Variants in ACAN observed in about 807,000 individuals in gnomAD.
The protein encoded by ACAN is aggrecan core protein.
Under a neutral mutation model 169.1 loss-of-function variants are expected in ACAN, and 47 were observed. That is an observed-to-expected ratio of 0.28 (90% confidence interval 0.22 to 0.35). The LOEUF (loss-of-function observed/expected upper bound fraction) is 0.35. Among genes scored for constraint, ACAN ranks in the 10% least tolerant of loss-of-function variants. The pLI is 1.00. For synonymous variants in ACAN, 1,115 were observed against 1,112.2 expected (o/e 1.00, Z -0.05); for missense variants, 2,716 against 2,759.9 (o/e 0.98, Z 0.36).
intron 1 of ACAN, among the ~76,000 whole-genome samples, chr15:88,817,949 T>A (rs1895983924): frequency 6.6e-6 from 1 of 152,134 alleles, no homozygotes; most frequent in Non-Finnish European, 1.5e-5. Context: ...AGAGTTAAAT[T>A]TCTGTCTGTC....
intron 1 of ACAN, among the ~76,000 whole-genome samples, chr15:88,812,397 G>A (rs1207851908): frequency 1.3e-5 from 2 of 152,154 alleles, no homozygotes; most frequent in South Asian, 2.1e-4. Context: ...TCAGCCCCCT[G>A]GGGATTGCAG....
In ACAN at chr15:88,847,920, T is replaced by C; in HGVS notation, c.1614T>C (p.Ile538=). 6.2e-7 allele frequency: 1 copy of C among 1,613,652 alleles called. No individual in the cohort carries two copies. ...CCACTCTCCTTTGCAGATACCCCAT[T>C]GTGAGCCCCCGGACCCCATGCGTGG... ...WLRDQTVRYP[I]VSPRTPCVGD... is the part of the protein sequence containing the mutation. The change falls in exon 9 of 19, where the codon ATT becomes ATC. Residue 538 remains isoleucine, a synonymous_variant. Transcript: ENST00000560601.
chr15:88,831,232 G>A (rs1001632095), intron 1 of ACAN, among the ~76,000 whole-genome samples: 1 of 152,220 alleles, frequency 6.6e-6, no homozygotes, highest in African/African-American at 2.4e-5. Context: ...GCCCTGGGAA[G>A]GGGTGACCCT....
In ACAN at chr15:88,875,120, C is replaced by T. The variant is rs1480061119; in HGVS notation, c.*639C>T. Reference sequence around the variant, plus strand: ...CGCTGCCTGGGAGTTGGGTTCCCTCCAAGGGTCCCTCTTTCAGTGTCCTCT... The same window carrying T: ...CGCTGCCTGGGAGTTGGGTTCCCTCTAAGGGTCCCTCTTTCAGTGTCCTCT... On this transcript the variant is annotated 3_prime_UTR_variant, in exon 19 of 19. Transcript: ENST00000560601. The surrounding 1 kb of genome is among the most constrained non-coding windows in gnomAD (Gnocchi z 4.8). 1.3e-5 allele frequency: 2 copies of T among 156,972 alleles called. No homozygotes were observed. The highest frequency in any genetic ancestry group is 2.8e-5 in the Non-Finnish European group (2 of 70,928). The allele number at this position is 156,972 out of a possible 1,614,324, so 9.7% of individuals were successfully genotyped here.
At chr15:88,808,174 C>T (rs1184679396) in intron 1 of ACAN, among the ~76,000 whole-genome samples, 1 of 152,180 alleles carries the variant, frequency 6.6e-6, no homozygotes, top group African/African-American at 2.4e-5. Flanking sequence ...CTCTGGCAGT[C>T]CCCAGATCAC....
chr15:88,851,818 G>T lies in ACAN; in HGVS notation c.2051G>T (p.Gly684Val), dbSNP rs1472286074. The change falls in exon 11 of 19, where the codon GGA (glycine) becomes GTA (valine). Residue 684 changes from glycine to valine, a missense_variant. Physicochemically the swap from Gly to Val is moderately radical, Grantham distance 109. Around this residue, in one of 3 missense-constraint regions of ACAN, gnomAD observed 1,283 missense variants for 1,281.5 expected, o/e 1.00. Coordinates refer to ENST00000560601, the MANE Select transcript of ACAN (RefSeq NM_001369268.1). The surrounding 1 kb of genome is among the most constrained non-coding windows in gnomAD (Gnocchi z 4.3). ...FRGISAVPSP[G>V]EEEGGTPTSP... Reference sequence around the variant, plus strand: ...GGCATTTCAGCGGTTCCTTCTCCAGGAGAAGAAGAGGGTGGCACACCCACA... The same window carrying T: ...GGCATTTCAGCGGTTCCTTCTCCAGTAGAAGAAGAGGGTGGCACACCCACA... The T allele has an allele frequency of 1.9e-6, 3 of 1,604,152 alleles. No homozygotes were observed. Among genetic ancestry groups the T allele is most frequent in the Non-Finnish European group, 2.6e-6 (3 of 1,175,434 alleles).
At chr15:88,846,345 C>T (rs1376983434) in intron 7 of ACAN, among the ~76,000 whole-genome samples, 1 of 152,212 alleles carries the variant, frequency 6.6e-6, no homozygotes, top group Non-Finnish European at 1.5e-5. Flanking sequence ...TAGCTGTTCT[C>T]ATATGGCCCA....
intron 4 of ACAN, among the ~76,000 whole-genome samples, chr15:88,840,662 A>T (rs1896629559): frequency 6.6e-6 from 1 of 152,090 alleles, no homozygotes; most frequent in Non-Finnish European, 1.5e-5. Flanking sequence ...TGAAGGCAAG[A>T]TGATATCACC....
intron 1 of ACAN, among the ~76,000 whole-genome samples, chr15:88,828,851 G>T (rs1896291012): frequency 6.6e-6 from 1 of 152,174 alleles, no homozygotes; most frequent in South Asian, 2.1e-4. Context: ...CAGGGCCAAG[G>T]TTAGGACCCA....
intron 11 of ACAN, among the ~76,000 whole-genome samples, chr15:88,853,153 G>C (rs1057076760): frequency 1.3e-5 from 2 of 152,166 alleles, no homozygotes; most frequent in Non-Finnish European, 2.9e-5. Flanking sequence ...TGGCATCGGG[G>C]TGTGACTTTG....
rs1429711449 is a variant in ACAN, at chr15:88,857,491, G to A, written c.4906G>A (p.Val1636Met). 6.2e-7 allele frequency: 1 copy of A among 1,613,944 alleles called. No individual in the cohort carries two copies. Among genetic ancestry groups the A allele is most frequent in the East Asian group, 2.2e-5 (1 of 44,884 alleles). ...TGGATTTAGTGGTGAGTATTCTGGG[G>A]TGGACCTTGGAAGTGGCCCACCCTC... ...PSGFSGEYSG[V>M]DLGSGPPSGL... Residue 1636 changes from valine to methionine, a missense_variant, in exon 12 of 19, where the codon GTG becomes ATG. Physicochemically the swap from Val to Met is conservative, Grantham distance 21 (BLOSUM62 1). Around this residue, in one of 3 missense-constraint regions of ACAN, gnomAD observed 1,389 missense variants for 1,363.7 expected, o/e 1.02. Coordinates refer to ENST00000560601, the MANE Select transcript of ACAN (RefSeq NM_001369268.1).
intron 1 of ACAN, among the ~76,000 whole-genome samples, chr15:88,817,029 C>T (rs1430631256): frequency 6.6e-6 from 1 of 152,208 alleles, no homozygotes; most frequent in Non-Finnish European, 1.5e-5. Context: ...TCGGCTGCCA[C>T]CTTGGTCACT....
rs1296251083 is a variant in ACAN at position 88,869,987 on chromosome 15, C to T, written c.7061-1395C>T. Among the ~76,000 whole-genome samples the T allele has an allele frequency of 6.6e-6, 1 of 152,152 alleles. No homozygotes were observed. The highest frequency in any genetic ancestry group is 1.5e-5 in the Non-Finnish European group (1 of 68,038). ...CACTGAAGGGGCCAAAAACTGACCC[C>T]CTAAGTCAGCCCTAAGATGATATCT... On this transcript the variant is annotated intron_variant, in intron 14 of 18. Transcript: ENST00000560601. The surrounding 1 kb of genome is among the most constrained non-coding windows in gnomAD (Gnocchi z 4.2).
At chr15:88,864,643 G>A (rs915081061) in intron 13 of ACAN, among the ~76,000 whole-genome samples, 1 of 152,164 alleles carries the variant, frequency 6.6e-6, no homozygotes, top group Non-Finnish European at 1.5e-5. Flanking sequence ...TCTTTCATTT[G>A]TGTAAGAGAC....
intron 1 of ACAN, among the ~76,000 whole-genome samples, chr15:88,830,204 C>T (rs1896324889): frequency 6.6e-6 from 1 of 152,156 alleles, no homozygotes; most frequent in African/African-American, 2.4e-5. Flanking sequence ...GGGCCAGCCT[C>T]AATGTCCCCA....
chr15:88,822,671 TG>T, intron 1 of ACAN, among the ~76,000 whole-genome samples: 1 of 152,154 alleles, frequency 6.6e-6, no homozygotes, highest in Middle Eastern at 3.4e-3. Context: ...TGACCTCAGG[TG>T]ATCTGCCCGC....
At chr15:88,852,946 A>G (rs903470243) in intron 11 of ACAN, among the ~76,000 whole-genome samples, 20 of 152,236 alleles carry the variant, frequency 1.3e-4, no homozygotes, top group African/African-American at 4.8e-4. Context: ...CATTCTGTGC[A>G]TGGTTCCAGA....
rs775539000 is a variant in ACAN, at chr15:88,823,402, G to GT, written c.-7-12792dup. Among the ~76,000 whole-genome samples, 20 of 152,100 alleles carry GT rather than the reference G, an allele frequency of 1.3e-4. No homozygotes were observed. The Middle Eastern group carries it at 0.01, about 78-fold the overall frequency. ...GGGCTGGTCCCTGGTACTAGTTTTG[G>GT]TTTTTTGGTGGTTTTTTTTTTTCTT... On this transcript the variant is annotated intron_variant, in intron 1 of 18. Coordinates refer to ENST00000560601, the MANE Select transcript of ACAN (RefSeq NM_001369268.1).
intron 11 of ACAN, among the ~76,000 whole-genome samples, chr15:88,853,845 C>CTTTTTT (rs56384350): frequency 7.0e-6 from 1 of 143,714 alleles, no homozygotes. Context: ...GCCCAGCTAA[C>CTTTTTT]TTTTTTTTTT....
Sources: allele counts gnomAD v4.1 joint callset (sites outside exome capture counted in the v4.1 genomes callset), GRCh38; gene constraint gnomAD v4.1.1; regional missense constraint gnomAD v4.1.1; non-coding constraint Gnocchi (gnomAD v3.1); transcripts MANE v1.5; gene names NCBI Gene and HGNC (gene_info 2026-07-23, HGNC 2026-07-21).